TBX21: variants seen among roughly 807,000 people sequenced by gnomAD.
TBX21 encodes the protein T-box transcription factor TBX21.
Under a neutral mutation model 52.2 loss-of-function variants are expected in TBX21, and 11 were observed. The observed-to-expected ratio is 0.21, with a 90% CI of 0.13 to 0.35. TBX21 has a LOEUF of 0.35. Ranked by LOEUF, TBX21 falls within the 10% of genes least tolerant of loss-of-function variation. The probability of loss-of-function intolerance (pLI) is 1.00; values close to 1 mark genes in which losing one functional copy is unlikely to be tolerated. For synonymous variants in TBX21, 300 were observed against 316.1 expected (o/e 0.95, Z 0.54); for missense variants, 625 against 755.1 (o/e 0.83, Z 2.02).
Position 47,745,212 on chromosome 17 carries a change from C to G in TBX21, c.1454C>G (p.Pro485Arg). 6.2e-7 allele frequency: 1 copy of G among 1,614,204 alleles called. No homozygotes were observed. ...LVWTEIAPIRPESSDSGLGEG... is the reference protein window; with the variant it reads ...LVWTEIAPIRRESSDSGLGEG... ...TGGACTGAGATTGCCCCCATCCGGC[C>G]GGAATCCAGTGATTCAGGACTGGGC... Residue 485 changes from proline to arginine, a missense_variant, in exon 6 of 6, where the codon CCG becomes CGG. By Grantham distance (103) the Pro-to-Arg change is moderately radical. Around this residue, in one of 4 missense-constraint regions of TBX21, gnomAD observed 261 missense variants for 275.1 expected, o/e 0.95. Transcript: ENST00000177694.
chr17:47,734,789 C>G (rs980801495), intron 1 of TBX21, among the ~76,000 whole-genome samples: 1 of 151,900 alleles, frequency 6.6e-6, no homozygotes, highest in Non-Finnish European at 1.5e-5. Context: ...CTTCCCCACA[C>G]TCCTGTCCAG....
In TBX21 at chr17:47,744,830, C is replaced by G. The variant is rs1367249406; in HGVS notation, c.1072C>G (p.Leu358Val). Residue 358 changes from leucine (L) to valine (V), a missense_variant, in exon 6 of 6, where the codon CTC becomes GTC. Coordinates refer to ENST00000177694, the MANE Select transcript of TBX21 (RefSeq NM_013351.2). The stretch of plus-strand genomic sequence containing the variant: ...CCTTGGGGGAGATCACTACTCTCCT[C>G]TCCTACCCAACCAGTATCCTGTTCC... The part of the protein sequence containing the change: ...QFLGGDHYSP[L>V]LPNQYPVPSR... The G allele has an allele frequency of 6.2e-6, 10 of 1,614,108 alleles. No homozygotes were observed. Among genetic ancestry groups the G allele is most frequent in the Non-Finnish European group, 8.5e-6 (10 of 1,180,046 alleles).
chr17:47,741,652 A>G (rs2032267940), intron 1 of TBX21, among the ~76,000 whole-genome samples: 2 of 152,074 alleles, frequency 1.3e-5, no homozygotes, highest in Non-Finnish European at 1.5e-5. Flanking sequence ...AGTGGGTGTC[A>G]TGGGTCTGGG....
chr17:47,744,206 C>T lies in TBX21; in HGVS notation c.780C>T (p.Leu260=), dbSNP rs555637353. ...ASNNVTQMIV[L]QSLHKYQPRL... ...TGCTCTGTCTACAGATGATTGTGCT[C>T]CAGTCCCTCCATAAGTACCAGCCCC... Residue 260 remains leucine (L), a synonymous_variant, in exon 4 of 6, where the codon CTC becomes CTT. Coordinates refer to ENST00000177694, the MANE Select transcript of TBX21 (RefSeq NM_013351.2). The T allele has an allele frequency of 6.2e-6, 10 of 1,614,192 alleles. No homozygotes were observed. In the East Asian group the frequency reaches 2.2e-4, roughly 36 times the overall value.
At chr17:47,735,663 C>T (rs907517350) in intron 1 of TBX21, among the ~76,000 whole-genome samples, 9 of 152,222 alleles carry the variant, frequency 5.9e-5, no homozygotes, top group East Asian at 3.9e-4. Context: ...CAGCCACCCA[C>T]GCTCTCTGAA....
rs1046594250 is a variant in TBX21 at position 47,733,316 on chromosome 17, G to T, written c.-139G>T. On this transcript the variant is annotated 5_prime_UTR_variant, in exon 1 of 6. Coordinates refer to ENST00000177694, the MANE Select transcript of TBX21 (RefSeq NM_013351.2). This position sits in a 1 kb window ranked among gnomAD's most constrained non-coding sequence, Gnocchi z 6.6. The stretch of plus-strand genomic sequence containing the variant: ...GAGGGCGTAGAAGCCAGGCGTCAGA[G>T]CCCGGGCTCCGGTGGGGTCCCCCAC... The T allele has an allele frequency of 8.3e-7, 1 of 1,210,914 alleles. No homozygotes were observed. Among genetic ancestry groups the T allele is most frequent in the South Asian group, 2.0e-5 (1 of 50,266 alleles). The allele number at this position is 1,210,914 out of a possible 1,614,324, so 75.0% of individuals were successfully genotyped here. A position where few individuals can be genotyped will look rare whatever the true frequency, so the allele number is the denominator to read the frequency against.
chr17:47,737,160 A>G (rs1189714492), intron 1 of TBX21, among the ~76,000 whole-genome samples: 1 of 152,076 alleles, frequency 6.6e-6, no homozygotes, highest in African/African-American at 2.4e-5. Context: ...GTGTCTGGAG[A>G]TTTGGGGCAG....
At chr17:47,739,481 TG>T (rs56366102) in intron 1 of TBX21, among the ~76,000 whole-genome samples, 2 of 152,174 alleles carry the variant, frequency 1.3e-5, no homozygotes, top group Admixed American at 1.3e-4. Context: ...CAGTATGGCC[TG>T]GCGCGGTGGC....
In TBX21 at chr17:47,745,629, T is replaced by G; in HGVS notation, c.*263T>G. 1 of 395,864 alleles carries G rather than the reference T, an allele frequency of 2.5e-6. No individual in the cohort carries two copies. The highest frequency in any genetic ancestry group is 4.4e-6 in the Non-Finnish European group (1 of 225,072). 24.5% of individuals were successfully genotyped at this position (395,864 alleles called of 1,614,324 possible). On this transcript the variant is annotated 3_prime_UTR_variant, in exon 6 of 6. Transcript: ENST00000177694. ...GTTTACCTGGTGCTGCGTCTTGCTT[T>G]TGGTTTCCAGCTGGAGAAAAGAAGA...
intron 1 of TBX21, 151 bp downstream of exon 1, chr17:47,734,096 A>T (rs186568382): frequency 4.4e-6 from 6 of 1,357,770 alleles, no homozygotes; most frequent in East Asian, 4.9e-5. Context: ...GGTTGTTAGG[A>T]GGACAGGGAA....
At chr17:47,744,715 T>C in intron 5 of TBX21, 33 bp from the exon 6 acceptor site, 1 of 1,600,896 alleles carries the variant, frequency 6.2e-7, no homozygotes, top group Non-Finnish European at 8.5e-7. Flanking sequence ...GTTCTGCTTG[T>C]GACCCGTTTT....
intron 1 of TBX21, among the ~76,000 whole-genome samples, chr17:47,739,484 C>A (rs79028508): frequency 1.5e-5 from 2 of 131,788 alleles, no homozygotes; most frequent in Admixed American, 1.5e-4. Flanking sequence ...TATGGCCTGG[C>A]GCGGTGGCTC....
rs2032169488 is a variant in TBX21 at position 47,733,737 on chromosome 17, C to T, written c.283C>T (p.Pro95Ser). 3.5e-6 allele frequency: 5 copies of T among 1,440,618 alleles called. No individual in the cohort carries two copies. The highest frequency in any genetic ancestry group is 3.2e-5 in the Admixed American group (1 of 31,700). The allele number at this position is 1,440,618 out of a possible 1,614,324, so 89.2% of individuals were successfully genotyped here. A position where few individuals can be genotyped will look rare whatever the true frequency, so the allele number is the denominator to read the frequency against. The change falls in exon 1 of 6, where the codon CCG (proline) becomes TCG (serine). Residue 95 changes from proline (P) to serine (S), a missense_variant. By Grantham distance (74) the Pro-to-Ser change is moderately conservative. This residue lies in a region of TBX21 where 221 missense variants were observed against 204.9 expected (regional missense o/e 1.08). Coordinates refer to ENST00000177694, the MANE Select transcript of TBX21 (RefSeq NM_013351.2). This position sits in a 1 kb window ranked among gnomAD's most constrained non-coding sequence, Gnocchi z 6.6. Reference protein sequence around the residue: ...GFPGAGESFPPPADAEGYQPG... With the variant: ...GFPGAGESFPSPADAEGYQPG... ...CCCCGGCGCGGGCGAGTCCTTCCCG[C>T]CGCCCGCGGACGCCGAGGGCTACCA...
chr17:47,743,987 G>T (rs892932723), intron 3 of TBX21, among the ~76,000 whole-genome samples: 1 of 152,148 alleles, frequency 6.6e-6, no homozygotes, highest in Non-Finnish European at 1.5e-5. Context: ...GGTAGAAGAG[G>T]GGGCAAGAGG....
chr17:47,737,653 T>C (rs1332296249), intron 1 of TBX21, among the ~76,000 whole-genome samples: 1 of 150,544 alleles, frequency 6.6e-6, no homozygotes. Context: ...TGAGATGGAG[T>C]CTCACTCTGT....
intron 1 of TBX21, among the ~76,000 whole-genome samples, chr17:47,738,135 G>A (rs2032227601): frequency 6.6e-6 from 1 of 151,870 alleles, no homozygotes. Flanking sequence ...ATTTGTCTTG[G>A]GGCAAGTGAA....
At chr17:47,734,089 T>G in intron 1 of TBX21, 144 bp downstream of exon 1, 1 of 1,391,152 alleles carries the variant, frequency 7.2e-7, no homozygotes, top group Admixed American at 2.1e-5. Context: ...GGAATGGGGT[T>G]GTTAGGAGGA....
Position 47,742,806 on chromosome 17 carries a change from A to T in TBX21, c.646+42A>T. Reference sequence around the variant, plus strand: ...GAGCGGTGGGCTCTGTTTCGCTGGGACTGGGCGCCCCCTGGTGGGCCCACC... The same window carrying T: ...GAGCGGTGGGCTCTGTTTCGCTGGGTCTGGGCGCCCCCTGGTGGGCCCACC... On this transcript the variant is annotated intron_variant, in intron 2 of 5. Coordinates refer to ENST00000177694, the MANE Select transcript of TBX21 (RefSeq NM_013351.2). This position sits in a 1 kb window ranked among gnomAD's most constrained non-coding sequence, Gnocchi z 4.4. 1 of 1,528,102 alleles carries T rather than the reference A, an allele frequency of 6.5e-7. No individual in the cohort carries two copies. The allele number at this position is 1,528,102 out of a possible 1,614,324, so 94.7% of individuals were successfully genotyped here.
At chr17:47,741,600 G>A (rs375723359) in intron 1 of TBX21, among the ~76,000 whole-genome samples, 18 of 152,248 alleles carry the variant, frequency 1.2e-4, no homozygotes, top group Admixed American at 5.9e-4. Context: ...AGACTATACC[G>A]CAGGTGGCAG....
Sources: gnomAD v4.1 joint callset for allele counts (sites outside exome capture counted in the v4.1 genomes callset) on GRCh38, gnomAD v4.1.1 for gene constraint, gnomAD v4.1.1 regional missense constraint, Gnocchi (gnomAD v3.1) non-coding constraint, MANE v1.5 for transcripts, NCBI Gene and HGNC (gene_info 2026-07-23, HGNC 2026-07-21) for gene names.